CYP4F8: variants seen among roughly 807,000 people sequenced by gnomAD.
CYP4F8 encodes cytochrome P450 family 4 subfamily F member 8.
A neutral mutation model predicts 55.0 loss-of-function variants in CYP4F8; 56 were observed. That is an observed-to-expected ratio of 1.02 (90% CI 0.82 to 1.27). The LOEUF (loss-of-function observed/expected upper bound fraction) is 1.27, where lower values mean the gene tolerates loss of function less well. Ranked by LOEUF, CYP4F8 falls within the 50% of genes most tolerant of loss-of-function variation. CYP4F8 has a pLI of 0.00. For synonymous variants in CYP4F8, 288 were observed against 267.3 expected, an observed-to-expected ratio of 1.08 and a Z score of -0.76; for missense variants, 680 against 682.4, an observed-to-expected ratio of 1.00 and a Z score of 0.04.
At position 15,628,313 on chromosome 19, in the gene CYP4F8, C is replaced by T. The variant is rs748201190; in HGVS notation, c.1127C>T (p.Ala376Val). ...EPKEIEWDDL[A>V]QLPFLTMCLK... ...GGGTGTTTCCTTAGGGACGACCTGG[C>T]CCAGTTGCCCTTCCTGACCATGTGC... Residue 376 changes from alanine to valine, a missense_variant, in exon 10 of 13, where the codon GCC becomes GTC. Coordinates refer to ENST00000612078, the MANE Select transcript of CYP4F8 (RefSeq NM_007253.4). The T allele has an allele frequency of 2.0e-5, 32 of 1,613,892 alleles. No homozygotes were observed. In the South Asian group the frequency reaches 3.3e-4, roughly 17 times the overall value.
chr19:15,628,609 C>A lies in CYP4F8; in HGVS notation c.1314+14C>A. On this transcript the variant is annotated intron_variant, in intron 11 of 12. Transcript: ENST00000612078. ...CCAGACCCTGAGGTGCTGCCCCTCC[C>A]TGTTTCTCCATCCCCCGGGCCTGGT... The A allele has an allele frequency of 1.2e-6, 2 of 1,612,772 alleles. No individual in the cohort carries two copies. The highest frequency in any genetic ancestry group is 1.7e-6 in the Non-Finnish European group (2 of 1,179,296).
intron 3 of CYP4F8, 87 bp downstream of exon 3, chr19:15,618,231 G>T: frequency 6.3e-7 from 1 of 1,591,274 alleles, no homozygotes; most frequent in Non-Finnish European, 8.6e-7. Flanking sequence ...TGCAGCTCTT[G>T]TAGTACTCAG....
In CYP4F8 at chr19:15,615,806, C is replaced by G; in HGVS notation, c.190C>G (p.Leu64Val). ...GAAACAGAACTGGTTCTTGGGTCAC[C>G]TGGGCCTGGTGAGTGGCAGGAGGAT... ...PRKQNWFLGH[L>V]GLVTPTEEGL... The change falls in exon 2 of 13, where the codon CTG becomes GTG. Residue 64 changes from leucine (L) to valine (V), a missense_variant. Transcript: ENST00000612078. The G allele has an allele frequency of 6.2e-7, 1 of 1,611,472 alleles. No individual in the cohort carries two copies. The highest frequency in any genetic ancestry group is 8.5e-7 in the Non-Finnish European group (1 of 1,178,444).
Position 15,628,421 on chromosome 19 carries a change from G to C in CYP4F8, c.1235G>C (p.Arg412Pro), listed in dbSNP as rs112696102. Residue 412 changes from arginine to proline, a missense_variant, in exon 10 of 13, where the codon CGA (arginine) becomes CCA (proline). Physicochemically the swap from Arg to Pro is moderately radical, Grantham distance 103 (BLOSUM62 -2). Coordinates refer to ENST00000612078, the MANE Select transcript of CYP4F8 (RefSeq NM_007253.4). Reference sequence around the variant, plus strand: ...CAGGACGTGGTGCTCCCAGACAGCCGAGTCATCCCCAAAGGTGCCCTCCAT... The same window carrying C: ...CAGGACGTGGTGCTCCCAGACAGCCCAGTCATCCCCAAAGGTGCCCTCCAT... ...CTQDVVLPDS[R>P]VIPKGNVCNI... 2.5e-6 allele frequency: 4 copies of C among 1,614,100 alleles called. No homozygotes were observed. The highest frequency in any genetic ancestry group is 3.4e-6 in the Non-Finnish European group (4 of 1,180,010).
rs374934042 is a variant in CYP4F8, at chr19:15,623,319, C to T, written c.862C>T (p.Gln288Ter). 7.4e-6 allele frequency: 12 copies of T among 1,613,928 alleles called. No individual in the cohort carries two copies. The highest frequency in any genetic ancestry group is 8.5e-6 in the Non-Finnish European group (10 of 1,180,030). Residue 288 changes from glutamine to a stop codon, truncating the protein, a stop_gained, in exon 7 of 13, where the codon CAA becomes TAA. Transcript: ENST00000612078. LOFTEE classifies it high-confidence loss of function. ...LTSQGVDDFL[Q>*]AKAKSKTLDF... ...TAGCCAGGGTGTTGATGACTTCCTC[C>T]AAGCCAAGGCCAAGTCCAAGACTTT...
intron 3 of CYP4F8, chr19:15,618,807 A>C: frequency 5.3e-6 from 1 of 188,702 alleles, no homozygotes; most frequent in South Asian, 1.0e-4. Flanking sequence ...CACTTCCACC[A>C]TATGTTCATT....
In CYP4F8 at chr19:15,628,332, C is replaced by T. The variant is rs1972287986; in HGVS notation, c.1146C>T (p.Thr382=). The change falls in exon 10 of 13, where the codon ACC becomes ACT. Residue 382 remains threonine (T), a synonymous_variant. Coordinates refer to ENST00000612078, the MANE Select transcript of CYP4F8 (RefSeq NM_007253.4). ...ACCTGGCCCAGTTGCCCTTCCTGAC[C>T]ATGTGCCTGAAGGAGAGCCTGCGGT... ...WDDLAQLPFL[T]MCLKESLRLH... 12 of 1,613,998 alleles carry T rather than the reference C, an allele frequency of 7.4e-6. No individual in the cohort carries two copies. Among genetic ancestry groups the T allele is most frequent in the Non-Finnish European group, 1.0e-5 (12 of 1,180,042 alleles).
intron 2 of CYP4F8, among the ~76,000 whole-genome samples, chr19:15,616,353 C>T (rs1972122370): frequency 6.6e-6 from 1 of 151,884 alleles, no homozygotes; most frequent in African/African-American, 2.4e-5. Context: ...AAGCCTTTCT[C>T]ATCTCCTTGT....
At chr19:15,619,902 T>A in intron 5 of CYP4F8, 140 bp downstream of exon 5, 1 of 1,135,262 alleles carries the variant, frequency 8.8e-7, no homozygotes, top group Non-Finnish European at 1.2e-6. Context: ...CCCATGAGGC[T>A]AATAATCCTC....
rs1475018321 is a variant in CYP4F8 at position 15,623,981 on chromosome 19, C to T, written c.1002C>T (p.Ala334=). Reference sequence around the variant, plus strand: ...GACCCTCAGGCCATGACACCACGGCCAGTGGCCTCTCCTGGGTCTTGTACA... The same window carrying T: ...GACCCTCAGGCCATGACACCACGGCTAGTGGCCTCTCCTGGGTCTTGTACA... ...TFMFGGHDTT[A]SGLSWVLYNL... is the part of the protein sequence containing the mutation. Residue 334 remains alanine, a synonymous_variant, in exon 9 of 13, where the codon GCC becomes GCT. Coordinates refer to ENST00000612078, the MANE Select transcript of CYP4F8 (RefSeq NM_007253.4). 4 of 1,614,184 alleles carry T rather than the reference C, an allele frequency of 2.5e-6. No homozygotes were observed. The highest frequency in any genetic ancestry group is 2.5e-6 in the Non-Finnish European group (3 of 1,180,026).
At position 15,622,282 on chromosome 19, in the gene CYP4F8, C is replaced by A. The variant is rs754898548; in HGVS notation, c.589C>A (p.Leu197Ile). The A allele has an allele frequency of 6.2e-6, 10 of 1,610,148 alleles. No homozygotes were observed. Among genetic ancestry groups the A allele is most frequent in the Non-Finnish European group, 8.5e-6 (10 of 1,177,954 alleles). The change falls in exon 6 of 13, where the codon CTT becomes ATT. Residue 197 changes from leucine (L) to isoleucine (I), a missense_variant. Leu to Ile is a conservative substitution (Grantham distance 5). Coordinates refer to ENST00000612078, the MANE Select transcript of CYP4F8 (RefSeq NM_007253.4). ...TCLDVFEHIS[L>I]MTLDSLQKCI... ...TCTGGATGTGTTTGAGCACATCAGC[C>A]TTATGACCCTGGACAGTCTGCAGAA... is the stretch of plus-strand genomic sequence containing the variant.
At chr19:15,626,629 CT>C (rs57558713) in intron 9 of CYP4F8, among the ~76,000 whole-genome samples, 23,281 of 151,776 alleles carry the variant, frequency 0.15, 1,849 homozygotes, top group Middle Eastern at 0.21. Context: ...ATCTATCTAT[CT>C]ATCTATCTAT....
In CYP4F8 at chr19:15,630,575, A is replaced by G. The variant is rs4534979; in HGVS notation, c.*1217A>G. The G allele has an allele frequency of 0.73, 111,247 of 151,630 alleles. 40,944 individuals carry two copies. Among genetic ancestry groups the G allele is most frequent in the Admixed American group, 0.76 (11,550 of 15,244 alleles). 9.4% of individuals were successfully genotyped at this position (151,630 alleles called of 1,614,324 possible). A position where few individuals can be genotyped will look rare whatever the true frequency, so the allele number is the denominator to read the frequency against. On this transcript the variant is annotated 3_prime_UTR_variant, in exon 13 of 13. Coordinates refer to ENST00000612078, the MANE Select transcript of CYP4F8 (RefSeq NM_007253.4). ...TTTATCCACTCCACCATTGATGGGC[A>G]CCTGTGTTGATTCAGCATCTTCGCT...
At chr19:15,626,128 G>A (rs1035354862) in intron 9 of CYP4F8, among the ~76,000 whole-genome samples, 1 of 152,136 alleles carries the variant, frequency 6.6e-6, no homozygotes, top group South Asian at 2.1e-4. Flanking sequence ...TTTCTCTTCA[G>A]TTCTGTAGTG....
At chr19:15,626,673 T>C (rs1972267476) in intron 9 of CYP4F8, among the ~76,000 whole-genome samples, 1 of 152,128 alleles carries the variant, frequency 6.6e-6, no homozygotes, top group Non-Finnish European at 1.5e-5. Context: ...ATCTCTTATC[T>C]CTCATTGGAA....
In CYP4F8 at chr19:15,615,613, C is replaced by A; in HGVS notation, c.-1-3C>A. ...CTCACCCTCCATCCCGTCTGCCCTGCAGGATGTCGCTGCTGAGCCTGTCTT... is the reference window on the plus strand; with the variant it reads ...CTCACCCTCCATCCCGTCTGCCCTGAAGGATGTCGCTGCTGAGCCTGTCTT... On this transcript the variant is annotated splice_polypyrimidine_tract_variant and splice_region_variant and intron_variant, in intron 1 of 12. Coordinates refer to ENST00000612078, the MANE Select transcript of CYP4F8 (RefSeq NM_007253.4). 1 of 1,613,192 alleles carries A rather than the reference C, an allele frequency of 6.2e-7. No homozygotes were observed. The highest frequency in any genetic ancestry group is 8.5e-7 in the Non-Finnish European group (1 of 1,179,628).
At chr19:15,617,870 C>T in intron 2 of CYP4F8, 130 bp from the exon 3 acceptor site, 1 of 1,167,704 alleles carries the variant, frequency 8.6e-7, no homozygotes, top group East Asian at 2.6e-5. Flanking sequence ...CCTCAGTTTT[C>T]CTTCAAATGC....
In CYP4F8 at chr19:15,615,777, C is replaced by A. The variant is rs1164277381; in HGVS notation, c.161C>A (p.Pro54His). The change falls in exon 2 of 13, where the codon CCC becomes CAC. Residue 54 changes from proline (P) to histidine (H), a missense_variant. Pro to His is a moderately conservative substitution (Grantham distance 77, BLOSUM62 -2). Transcript: ENST00000612078. The stretch of plus-strand genomic sequence containing the variant: ...CGCCGCCTCCGGTGTTTCCCGCAGC[C>A]CCGGAAACAGAACTGGTTCTTGGGT... ...NGRRLRCFPQ[P>H]RKQNWFLGHL... The A allele has an allele frequency of 3.1e-6, 5 of 1,613,718 alleles. No homozygotes were observed. Among genetic ancestry groups the A allele is most frequent in the South Asian group, 1.1e-5 (1 of 91,066 alleles).
Position 15,624,071 on chromosome 19 carries a change from C to T in CYP4F8, c.1092C>T (p.Asp364=), listed in dbSNP as rs779744012. The change falls in exon 9 of 13, where the codon GAC becomes GAT. Residue 364 remains aspartate (D), a synonymous_variant. Transcript: ENST00000612078. The part of the protein sequence containing the change: ...CRQEVQELLK[D]REPKEIEWDD... ...AGGAGGTGCAAGAGCTTCTGAAGGA[C>T]CGTGAGCCTAAAGAGATTGAATGGT... The T allele has an allele frequency of 5.4e-5, 87 of 1,613,982 alleles. No individual in the cohort carries two copies. Among genetic ancestry groups the T allele is most frequent in the Non-Finnish European group, 7.1e-5 (84 of 1,180,012 alleles).
Sources: gnomAD v4.1 joint callset for allele counts (sites outside exome capture counted in the v4.1 genomes callset) on GRCh38, gnomAD v4.1.1 for gene constraint, MANE v1.5 for transcripts, NCBI Gene and HGNC (gene_info 2026-07-23, HGNC 2026-07-21) for gene names.